Variants in ABLIM1 observed in about 807,000 individuals in gnomAD.
The protein encoded by ABLIM1 is actin binding LIM protein 1, also known as actin-binding LIM protein 1.
ABLIM1 carries 40 observed loss-of-function variants against 107.0 expected under a neutral mutation model. The observed-to-expected ratio is 0.37, with a 90% confidence interval of 0.29 to 0.49. The LOEUF (loss-of-function observed/expected upper bound fraction) is 0.49, where lower values mean the gene tolerates loss of function less well. ABLIM1 is among the 20% of genes least tolerant of loss of function. ABLIM1 has a pLI of 0.97. For synonymous variants in ABLIM1, 357 were observed against 357.3 expected, an observed-to-expected ratio of 1.00 and a Z score of 0.01; for missense variants, 857 against 1,008.5, an observed-to-expected ratio of 0.85 and a Z score of 2.04.
chr10:114,682,138 T>C (rs917089294), intron 1 of ABLIM1, among the ~76,000 whole-genome samples: 1 of 152,248 alleles, frequency 6.6e-6, no homozygotes, highest in Non-Finnish European at 1.5e-5. Context: ...GAGACATACA[T>C]GTCAGCAGTC....
chr10:114,701,928 T>C (rs1419629388), intron 1 of ABLIM1, among the ~76,000 whole-genome samples: 1 of 152,210 alleles, frequency 6.6e-6, no homozygotes, highest in Non-Finnish European at 1.5e-5. Context: ...AGAGAGGATG[T>C]AGAAATTTAG....
intron 1 of ABLIM1, among the ~76,000 whole-genome samples, chr10:114,724,402 A>G (rs2081914298): frequency 6.6e-6 from 1 of 152,170 alleles, no homozygotes; most frequent in African/African-American, 2.4e-5. Context: ...TACCACCTTT[A>G]TGGAAGTAAG....
At chr10:114,614,958 G>A (rs1289237662) in intron 1 of ABLIM1, among the ~76,000 whole-genome samples, 2 of 151,444 alleles carry the variant, frequency 1.3e-5, no homozygotes, top group Non-Finnish European at 2.9e-5. Flanking sequence ...GCTGAAGCAG[G>A]AGAATCGCTT....
chr10:114,439,588 T>G (rs1053864618), intron 20 of ABLIM1: 1 of 406,416 alleles, frequency 2.5e-6, no homozygotes, highest in Non-Finnish European at 4.4e-6. Flanking sequence ...TATGCATTTT[T>G]CTTCTTTTCT....
chr10:114,678,609 A>AG (rs1566226436), intron 1 of ABLIM1, among the ~76,000 whole-genome samples: 2 of 152,236 alleles, frequency 1.3e-5, no homozygotes, highest in African/African-American at 4.8e-5. Context: ...GAGTAGTTGC[A>AG]GCAGAGACCA....
intron 1 of ABLIM1, among the ~76,000 whole-genome samples, chr10:114,605,617 T>C (rs924663955): frequency 6.6e-6 from 1 of 152,136 alleles, no homozygotes; most frequent in African/African-American, 2.4e-5. Context: ...AAACCTTCCA[T>C]GGCTCATCAA....
chr10:114,635,474 G>T (rs977152925), intron 1 of ABLIM1, among the ~76,000 whole-genome samples: 1 of 152,236 alleles, frequency 6.6e-6, no homozygotes, highest in Non-Finnish European at 1.5e-5. Flanking sequence ...CCCTCCGTGG[G>T]ACTGGAACAT....
intron 1 of ABLIM1, among the ~76,000 whole-genome samples, chr10:114,669,590 G>A (rs2080166590): frequency 6.6e-6 from 1 of 152,204 alleles, no homozygotes; most frequent in Admixed American, 6.5e-5. Context: ...AGCATTTATT[G>A]AGCATTTCTT....
chr10:114,792,498 G>T, the ABLIM1 span, among the ~76,000 whole-genome samples: 2 of 152,186 alleles, frequency 1.3e-5, no homozygotes, highest in Non-Finnish European at 2.9e-5. Context: ...GAATAAAGAA[G>T]TAGAATAAGG....
chr10:114,634,357 C>A (rs1475188337), intron 1 of ABLIM1, among the ~76,000 whole-genome samples: 2 of 151,294 alleles, frequency 1.3e-5, no homozygotes, highest in Non-Finnish European at 2.9e-5. Context: ...TGGTCTCGAT[C>A]TCCTGACCTC....
At chr10:114,486,191 G>A (rs1360882317) in intron 8 of ABLIM1, among the ~76,000 whole-genome samples, 4 of 152,168 alleles carry the variant, frequency 2.6e-5, no homozygotes, top group Non-Finnish European at 4.4e-5. Context: ...TGTTATCAGA[G>A]TGTTGTTGGT....
intron 1 of ABLIM1, among the ~76,000 whole-genome samples, chr10:114,625,772 C>A (rs74623093): frequency 6.6e-6 from 1 of 152,042 alleles, no homozygotes; most frequent in Non-Finnish European, 1.5e-5. Context: ...GTTTTGGAGC[C>A]AGATAGGCAG....
intron 1 of ABLIM1, among the ~76,000 whole-genome samples, chr10:114,665,277 A>G (rs932610359): frequency 6.6e-6 from 1 of 152,160 alleles, no homozygotes; most frequent in Admixed American, 6.5e-5. Context: ...CATTCCCTCC[A>G]TGCTGCACTC....
At chr10:114,712,363 A>G (rs2081571624) in intron 1 of ABLIM1, among the ~76,000 whole-genome samples, 1 of 151,238 alleles carries the variant, frequency 6.6e-6, no homozygotes, top group South Asian at 2.1e-4. Flanking sequence ...GAAAAAAAAA[A>G]AAAAAAAAAA....
At chr10:114,609,529 T>C (rs1275915440) in intron 1 of ABLIM1, among the ~76,000 whole-genome samples, 1 of 152,244 alleles carries the variant, frequency 6.6e-6, no homozygotes, top group Non-Finnish European at 1.5e-5. Flanking sequence ...TATTTCATAA[T>C]CCTGGCCCTA....
chr10:114,688,062 T>C (rs1432050062), upstream of ABLIM1, among the ~76,000 whole-genome samples: 1 of 152,102 alleles, frequency 6.6e-6, no homozygotes, highest in African/African-American at 2.4e-5. Flanking sequence ...TTGAAAGTAA[T>C]GGCAAAAAAT....
At chr10:114,785,657 T>C in the ABLIM1 span, among the ~76,000 whole-genome samples, 1 of 152,192 alleles carries the variant, frequency 6.6e-6, no homozygotes, top group African/African-American at 2.4e-5. Context: ...TGGATTATAA[T>C]TTTATATTAT....
At chr10:114,454,396 G>C (rs10787531) in intron 12 of ABLIM1, among the ~76,000 whole-genome samples, 24,035 of 152,162 alleles carry the variant, frequency 0.16, 1,980 homozygotes, top group African/African-American at 0.19. Flanking sequence ...GGGCATCAAA[G>C]AGTAAGCTCA....
At chr10:114,767,614 CTT>C (rs34973850) in intron 1 of ABLIM1, among the ~76,000 whole-genome samples, 56 of 146,962 alleles carry the variant, frequency 3.8e-4, no homozygotes, top group Non-Finnish European at 3.9e-4. Context: ...GGGGAATTTA[CTT>C]TTTTTTTTTT....
Sources: allele counts gnomAD v4.1 joint callset (sites outside exome capture counted in the v4.1 genomes callset), GRCh38; gene constraint gnomAD v4.1.1; transcripts MANE v1.5; gene names NCBI Gene and HGNC (gene_info 2026-07-23, HGNC 2026-07-21).